Variants in HECW1 observed in about 807,000 individuals in gnomAD.
HECW1 encodes E3 ubiquitin-protein ligase HECW1.
HECW1 carries 61 observed loss-of-function variants against 182.3 expected under a neutral mutation model. That is an observed-to-expected ratio of 0.33 (90% CI 0.27 to 0.41). The LOEUF is 0.41. Among genes scored for constraint, HECW1 ranks in the 10% least tolerant of loss-of-function variants. The pLI is 1.00. For missense variants in HECW1, 1,739 were observed against 2,108.9 expected (o/e 0.82, Z 3.44); for synonymous variants, 859 against 832.6 (o/e 1.03, Z -0.55).
At chr7:43,121,053 T>A (rs1785554832) in intron 2 of HECW1, among the ~76,000 whole-genome samples, 1 of 152,118 alleles carries the variant, frequency 6.6e-6, no homozygotes, top group African/African-American at 2.4e-5. Flanking sequence ...GCACTATTTT[T>A]CCCTCCCCTA....
rs188811747 is a variant in HECW1, at chr7:43,306,003, G to A, written c.28-5760G>A. Among the ~76,000 whole-genome samples the A allele has an allele frequency of 8.6e-5, 13 of 151,912 alleles. No individual in the cohort carries two copies. The South Asian group carries it at 1.2e-3, about 15-fold the overall frequency. Reference sequence around the variant, plus strand: ...TCGAACTCCCAACCTCAGATGATCCGCCCACCTCAGCCTCCCAAAGTGCCA... The same window carrying A: ...TCGAACTCCCAACCTCAGATGATCCACCCACCTCAGCCTCCCAAAGTGCCA... On this transcript the variant is annotated intron_variant, in intron 3 of 29. Coordinates refer to ENST00000395891, the MANE Select transcript of HECW1 (RefSeq NM_015052.5).
intron 3 of HECW1, among the ~76,000 whole-genome samples, chr7:43,291,295 T>C (rs149031728): frequency 9.2e-5 from 14 of 152,366 alleles, no homozygotes; most frequent in Non-Finnish European, 1.8e-4. Context: ...TGCTGTGTCT[T>C]GCATCCATTG....
intron 2 of HECW1, among the ~76,000 whole-genome samples, chr7:43,211,977 T>A (rs776812374): frequency 6.6e-6 from 1 of 152,146 alleles, no homozygotes; most frequent in African/African-American, 2.4e-5. Context: ...ATGCAAGGAG[T>A]TCTTAAGGGA....
In HECW1 at chr7:43,444,192, T is replaced by C; in HGVS notation, c.1046-26T>C. 1 of 1,575,160 alleles carries C rather than the reference T, an allele frequency of 6.3e-7. No homozygotes were observed. The highest frequency in any genetic ancestry group is 8.6e-7 in the Non-Finnish European group (1 of 1,158,122). The stretch of plus-strand genomic sequence containing the variant: ...CCACAATGCTCTCTTCTGGGAGAAA[T>C]GACATATTTTTCTTCTTACCAGCAG... On this transcript the variant is annotated intron_variant, in intron 10 of 29. Coordinates refer to ENST00000395891, the MANE Select transcript of HECW1 (RefSeq NM_015052.5). This position sits in a 1 kb window ranked among gnomAD's most constrained non-coding sequence, Gnocchi z 4.3.
intron 17 of HECW1, among the ~76,000 whole-genome samples, chr7:43,485,877 A>C (rs541833278): frequency 1.2e-4 from 19 of 152,160 alleles, no homozygotes; most frequent in Non-Finnish European, 2.6e-4. Context: ...TTATTATTAT[A>C]CTTTAAGTTC....
rs185659172 is a variant in HECW1 at position 43,134,597 on chromosome 7, C to T, written c.-32+20206C>T. 3.7e-3 allele frequency among the ~76,000 whole-genome samples: 569 copies of T among 152,094 alleles called. 2 individuals carry two copies. Among genetic ancestry groups the T allele is most frequent in the African/African-American group, 0.013 (533 of 41,492 alleles). On this transcript the variant is annotated intron_variant, in intron 2 of 29. Coordinates refer to ENST00000395891, the MANE Select transcript of HECW1 (RefSeq NM_015052.5). ...CATAGCATACTGCAGCTTTGAACTC[C>T]TGGGCTCAAGCAATCCTCCTGCCTC...
At chr7:43,395,402 T>A (rs2075193788) in intron 6 of HECW1, among the ~76,000 whole-genome samples, 1 of 152,204 alleles carries the variant, frequency 6.6e-6, no homozygotes, top group Non-Finnish European at 1.5e-5. Flanking sequence ...GTCTCAGCCA[T>A]AATTTTGCAA....
At chr7:43,496,305 T>G (rs1481954851) in intron 19 of HECW1, among the ~76,000 whole-genome samples, 3 of 151,850 alleles carry the variant, frequency 2.0e-5, no homozygotes, top group African/African-American at 7.3e-5. Context: ...CTGAATATAA[T>G]TTCAAATAGT....
intron 2 of HECW1, among the ~76,000 whole-genome samples, chr7:43,143,936 G>A (rs1788435328): frequency 6.6e-6 from 1 of 152,192 alleles, no homozygotes; most frequent in Non-Finnish European, 1.5e-5. Context: ...GATTTGACCT[G>A]CTAAGACTGT....
chr7:43,301,802 G>A (rs1304797141), intron 3 of HECW1, among the ~76,000 whole-genome samples: 1 of 151,664 alleles, frequency 6.6e-6, no homozygotes, highest in Non-Finnish European at 1.5e-5. Flanking sequence ...TTGAACCCGG[G>A]AGGCAGAGGT....
Position 43,463,811 on chromosome 7 carries a change from G to A in HECW1, c.2791+12G>A. 6.2e-7 allele frequency: 1 copy of A among 1,613,000 alleles called. No homozygotes were observed. The highest frequency in any genetic ancestry group is 1.1e-5 in the South Asian group (1 of 91,014). On this transcript the variant is annotated intron_variant, in intron 14 of 29. Coordinates refer to ENST00000395891, the MANE Select transcript of HECW1 (RefSeq NM_015052.5). ...CCAGTCCAGCTTAGGTATTGGAGGAGGGGTCCCCACAACCTGTGATGGCTT... is the reference window on the plus strand; with the variant it reads ...CCAGTCCAGCTTAGGTATTGGAGGAAGGGTCCCCACAACCTGTGATGGCTT...
intron 4 of HECW1, among the ~76,000 whole-genome samples, chr7:43,318,633 A>C (rs1232067102): frequency 2.0e-5 from 3 of 152,244 alleles, no homozygotes; most frequent in South Asian, 4.1e-4. Context: ...AAGTGACACT[A>C]TTGGCAAATG....
Position 43,365,346 on chromosome 7 carries a change from G to A in HECW1, c.555+4366G>A, listed in dbSNP as rs1247485575. On this transcript the variant is annotated intron_variant, in intron 6 of 29. Transcript: ENST00000395891. The stretch of plus-strand genomic sequence containing the variant: ...CTCCTCCCCACCCACTCTGAGGCCT[G>A]GGACTGCGGCCTCCAGATAGAAAAT... Among the ~76,000 whole-genome samples the A allele has an allele frequency of 2.6e-5, 4 of 152,344 alleles. No homozygotes were observed. The East Asian group carries it at 7.7e-4, about 29-fold the overall frequency.
chr7:43,419,262 A>G (rs6463190), intron 8 of HECW1, among the ~76,000 whole-genome samples: 57,405 of 152,020 alleles, frequency 0.38, 11,001 homozygotes, highest in Middle Eastern at 0.47. Context: ...CTGTGGCGGC[A>G]TTCAGGGCAA....
rs972384850 is a variant in HECW1 at position 43,507,296 on chromosome 7, G to T, written c.3752+39G>T. 5 of 1,600,794 alleles carry T rather than the reference G, an allele frequency of 3.1e-6. No individual in the cohort carries two copies. The African/African-American group carries it at 4.0e-5, about 13-fold the overall frequency. ...TGCTTGGCACTGAATTCAGACAGTA[G>T]ATTTTTCAATCCCTTTCTCCCCTAC... On this transcript the variant is annotated intron_variant, in intron 22 of 29. Transcript: ENST00000395891.
At chr7:43,171,961 T>C (rs1023724653) in intron 2 of HECW1, among the ~76,000 whole-genome samples, 1 of 152,064 alleles carries the variant, frequency 6.6e-6, no homozygotes. Context: ...CTCAGTGTTA[T>C]GTAGATTGCT....
chr7:43,454,309 A>G (rs1018317946), intron 12 of HECW1, among the ~76,000 whole-genome samples: 10 of 152,204 alleles, frequency 6.6e-5, no homozygotes, highest in African/African-American at 2.4e-4. Context: ...CTCTTCAAAG[A>G]CTAATGCTCA....
Position 43,501,281 on chromosome 7 carries a change from C to T in HECW1, c.3590C>T (p.Ser1197Phe). The T allele has an allele frequency of 6.2e-7, 1 of 1,607,930 alleles. No individual in the cohort carries two copies. Among genetic ancestry groups the T allele is most frequent in the Non-Finnish European group, 8.5e-7 (1 of 1,177,050 alleles). The change falls in exon 21 of 30, where the codon TCT becomes TTT. Residue 1197 changes from serine (S) to phenylalanine (F), a missense_variant. Around this residue, in one of 5 missense-constraint regions of HECW1, gnomAD observed 420 missense variants for 595.7 expected, o/e 0.71. Transcript: ENST00000395891. ...QAAFHPGYSF[S>F]PRCSPCSSPQ... ...GCCTTCCACCCTGGGTATAGCTTCT[C>T]TCCCCGATGTTCACCCTGTTCTTCA...
At chr7:43,469,299 G>A (rs893150595) in intron 16 of HECW1, among the ~76,000 whole-genome samples, 194 bp downstream of exon 16, 2 of 152,188 alleles carry the variant, frequency 1.3e-5, no homozygotes, top group African/African-American at 2.4e-5. Context: ...GGAATACCCT[G>A]TGCCTTACGG....
Sources: gnomAD v4.1 joint callset for allele counts (sites outside exome capture counted in the v4.1 genomes callset) on GRCh38, gnomAD v4.1.1 for gene constraint, gnomAD v4.1.1 regional missense constraint, Gnocchi (gnomAD v3.1) non-coding constraint, MANE v1.5 for transcripts, NCBI Gene and HGNC (gene_info 2026-07-23, HGNC 2026-07-21) for gene names.